The following USP47 variants were observed in gnomAD, a reference collection of about 807,000 sequenced individuals.
USP47 encodes ubiquitin carboxyl-terminal hydrolase 47.
In USP47, 35 loss-of-function variants were observed where a neutral mutation model predicts 165.1. That is an observed-to-expected ratio of 0.21 (90% CI 0.16 to 0.28). The LOEUF is 0.28. USP47 is among the 10% of genes least tolerant of loss of function. The pLI, the probability that USP47 is intolerant of heterozygous loss-of-function variation, is 1.00. For synonymous variants in USP47, 531 were observed against 544.5 expected (o/e 0.98, Z 0.35); for missense variants, 1,277 against 1,607.4 (o/e 0.79, Z 3.52).
At chr11:11,927,166 A>G (rs1407517538) in intron 11 of USP47, among the ~76,000 whole-genome samples, 1 of 152,110 alleles carries the variant, frequency 6.6e-6, no homozygotes, top group East Asian at 1.9e-4. Flanking sequence ...TAAATGTGCT[A>G]TAATTCTTAT....
chr11:11,856,857 AT>A, intron 1 of USP47: 1 of 152,540 alleles, frequency 6.6e-6, no homozygotes, highest in Non-Finnish European at 1.5e-5. Context: ...TTTTGTGGGC[AT>A]TTGGCTTTGT....
At chr11:11,858,660 T>C (rs955731980) in intron 1 of USP47, among the ~76,000 whole-genome samples, 2 of 152,172 alleles carry the variant, frequency 1.3e-5, no homozygotes, top group African/African-American at 4.8e-5. Context: ...TTACATGGAG[T>C]CATATAGTAT....
chr11:11,931,147 C>G (rs1005157836), intron 14 of USP47, among the ~76,000 whole-genome samples: 1 of 151,972 alleles, frequency 6.6e-6, no homozygotes, highest in Non-Finnish European at 1.5e-5. Flanking sequence ...GATACATATA[C>G]AGGTGATGTG....
chr11:11,924,331 T>G (rs1208454754), intron 11 of USP47, among the ~76,000 whole-genome samples: 1 of 152,138 alleles, frequency 6.6e-6, no homozygotes, highest in Admixed American at 6.5e-5. Context: ...TTTGTCATGG[T>G]GTGTGTTTCT....
At chr11:11,950,246 C>A in intron 23 of USP47, 118 bp from the exon 24 acceptor site, 1 of 750,454 alleles carries the variant, frequency 1.3e-6, no homozygotes, top group South Asian at 2.1e-5. Context: ...TTTAACAACT[C>A]ATTATTTGAC....
chr11:11,948,134 ATCT>A lies in USP47; in HGVS notation c.3267+17_3267+19del. On this transcript the variant is annotated intron_variant, in intron 21 of 27. Transcript: ENST00000527733. ...GATGACAATAAGGTTGATTAAAATAATCTTCGAGTAGTTAGAGTCTATTTTAAA... is the reference window on the plus strand; with the variant it reads ...GATGACAATAAGGTTGATTAAAATAATCGAGTAGTTAGAGTCTATTTTAAA... 1 of 1,597,978 alleles carries A rather than the reference ATCT, an allele frequency of 6.3e-7. No individual in the cohort carries two copies. The highest frequency in any genetic ancestry group is 1.1e-5 in the South Asian group (1 of 87,766).
intron 19 of USP47, among the ~76,000 whole-genome samples, chr11:11,941,092 A>G (rs1262100475): frequency 6.6e-6 from 1 of 151,808 alleles, no homozygotes; most frequent in East Asian, 1.9e-4. Context: ...TATGTGTTTG[A>G]TCATTTATCA....
rs1856574753 is a variant in USP47, at chr11:11,956,572, G to A, written c.*397G>A. ...ATAATAAAAGCTGTGCAAAGGCCAT[G>A]AATGAATGAATTTTCTGTTTATTTC... On this transcript the variant is annotated 3_prime_UTR_variant, in exon 28 of 28. Coordinates refer to ENST00000527733, the MANE Select transcript of USP47 (RefSeq NM_001282659.2). 6.4e-6 allele frequency: 1 copy of A among 157,266 alleles called. No individual in the cohort carries two copies. The allele number at this position is 157,266 out of a possible 1,614,324, so 9.7% of individuals were successfully genotyped here.
At chr11:11,940,595 A>C (rs1855400841) in intron 19 of USP47, 47 bp downstream of exon 19, 3 of 1,587,858 alleles carry the variant, frequency 1.9e-6, no homozygotes, top group Non-Finnish European at 2.6e-6. Flanking sequence ...TGGTAGTAGT[A>C]AATGAAATTA....
chr11:11,869,426 C>T (rs1849890984), intron 1 of USP47, among the ~76,000 whole-genome samples: 1 of 151,952 alleles, frequency 6.6e-6, no homozygotes, highest in South Asian at 2.1e-4. Flanking sequence ...ATCAGTTGTG[C>T]ATATTTGTGT....
chr11:11,946,013 A>C (rs1855812554), intron 20 of USP47, among the ~76,000 whole-genome samples: 2 of 152,126 alleles, frequency 1.3e-5, no homozygotes, highest in South Asian at 4.2e-4. Flanking sequence ...AAAAAGGAAA[A>C]TCATAAATAC....
chr11:11,849,056 C>G (rs1338334615), intron 1 of USP47, among the ~76,000 whole-genome samples: 5 of 152,094 alleles, frequency 3.3e-5, no homozygotes, highest in Non-Finnish European at 7.3e-5. Context: ...TGTCATACTG[C>G]AAGTCGTTTG....
chr11:11,945,190 G>A (rs1366513030), intron 20 of USP47, among the ~76,000 whole-genome samples: 5 of 152,148 alleles, frequency 3.3e-5, no homozygotes, highest in African/African-American at 9.7e-5. Context: ...AACTGGTTTG[G>A]AGATAGGGGA....
At chr11:11,900,996 A>T (rs1470969987) in intron 5 of USP47, among the ~76,000 whole-genome samples, 4 of 152,190 alleles carry the variant, frequency 2.6e-5, no homozygotes, top group Admixed American at 2.6e-4. Context: ...ATTGAAGATA[A>T]CCAGAAAAAA....
intron 1 of USP47, among the ~76,000 whole-genome samples, chr11:11,860,335 G>A (rs937512559): frequency 5.9e-5 from 9 of 151,806 alleles, no homozygotes; most frequent in African/African-American, 9.7e-5. Context: ...TAAATGATTC[G>A]TGTAGGATTA....
intron 1 of USP47, among the ~76,000 whole-genome samples, chr11:11,876,887 C>T (rs546837124): frequency 6.6e-6 from 1 of 151,934 alleles, no homozygotes; most frequent in African/African-American, 2.4e-5. Flanking sequence ...CTTAGATGGT[C>T]ACGTCAGATT....
chr11:11,933,598 G>C (rs1854834955), intron 15 of USP47, among the ~76,000 whole-genome samples: 1 of 152,054 alleles, frequency 6.6e-6, no homozygotes, highest in Non-Finnish European at 1.5e-5. Context: ...ACATAAATAT[G>C]ATACATGCTT....
chr11:11,899,686 AG>A (rs960745802), intron 5 of USP47, among the ~76,000 whole-genome samples: 55 of 152,290 alleles, frequency 3.6e-4, no homozygotes, highest in African/African-American at 1.3e-3. Context: ...ATAAGAAGCC[AG>A]AAGTGTAAAG....
chr11:11,899,413 T>G (rs1852056612), intron 5 of USP47, among the ~76,000 whole-genome samples: 1 of 152,238 alleles, frequency 6.6e-6, no homozygotes, highest in African/African-American at 2.4e-5. Context: ...GGCATTCTTT[T>G]AGGTATAAGG....
Sources: gnomAD v4.1 joint callset for allele counts (sites outside exome capture counted in the v4.1 genomes callset) on GRCh38, gnomAD v4.1.1 for gene constraint, MANE v1.5 for transcripts, NCBI Gene and HGNC (gene_info 2026-07-23, HGNC 2026-07-21) for gene names.